NRXN3: variants seen among roughly 807,000 people sequenced by gnomAD.
NRXN3 encodes neurexin 3.
In NRXN3, 32 loss-of-function variants were observed where a neutral mutation model predicts 137.6. The ratio of observed to expected loss-of-function variants is 0.23; its 90% CI spans 0.18 to 0.31. The LOEUF (loss-of-function observed/expected upper bound fraction) is 0.31, where lower values mean the gene tolerates loss of function less well. Among genes scored for constraint, NRXN3 ranks in the 10% least tolerant of loss-of-function variants. The probability of loss-of-function intolerance (pLI) is 1.00; values close to 1 mark genes in which losing one functional copy is unlikely to be tolerated. For synonymous variants in NRXN3, 798 were observed against 784.5 expected, an observed-to-expected ratio of 1.02 and a Z score of -0.29; for missense variants, 1,574 against 2,062.5, an observed-to-expected ratio of 0.76 and a Z score of 4.59.
At chr14:79,113,161 AAT>A (rs2053833805) in intron 15 of NRXN3, among the ~76,000 whole-genome samples, 2 of 152,176 alleles carry the variant, frequency 1.3e-5, no homozygotes, top group Admixed American at 6.5e-5. Flanking sequence ...GCAAATAAAA[AAT>A]GTCTCCAGAC....
chr14:79,603,630 G>A (rs1224251925), intron 16 of NRXN3, among the ~76,000 whole-genome samples: 8 of 151,398 alleles, frequency 5.3e-5, no homozygotes, highest in Admixed American at 6.6e-5. Flanking sequence ...TCCTTTTGTG[G>A]GGGAGTTTAG....
At chr14:79,721,861 A>G (rs2098845736) in intron 19 of NRXN3, among the ~76,000 whole-genome samples, 1 of 152,108 alleles carries the variant, frequency 6.6e-6, no homozygotes, top group Non-Finnish European at 1.5e-5. Flanking sequence ...AGTCTCTAAT[A>G]GTTTACCCAG....
rs143066878 is a variant in NRXN3, at chr14:78,710,939, T to C, written c.1660+1284T>C. 3.5e-3 allele frequency among the ~76,000 whole-genome samples: 537 copies of C among 152,306 alleles called. 3 individuals are homozygous for C. The highest frequency in any genetic ancestry group is 0.012 in the African/African-American group (515 of 41,576). On this transcript the variant is annotated intron_variant, in intron 7 of 20. Transcript: ENST00000335750. ...AATGTGCTCGTTAAGCAAGAATGAA[T>C]AGTGTCTACCCTTTTACACAGAAAA...
At position 79,308,836 on chromosome 14, in the gene NRXN3, G is replaced by C. The variant is rs561710185; in HGVS notation, c.3263-158385G>C. Among the ~76,000 whole-genome samples, 25 of 132,282 alleles carry C rather than the reference G, an allele frequency of 1.9e-4. No individual in the cohort carries two copies. The South Asian group carries it at 6.4e-3, about 34-fold the overall frequency. The allele number at this position is 132,282 out of a possible 152,430, so 86.8% of individuals were successfully genotyped here. Reference sequence around the variant, plus strand: ...AGTGTTTGTTCCTCATCAGCACAGGGAAGCATTCTTTTTTTTTTTTTTTTT... The same window carrying C: ...AGTGTTTGTTCCTCATCAGCACAGGCAAGCATTCTTTTTTTTTTTTTTTTT... On this transcript the variant is annotated intron_variant, in intron 15 of 20. Transcript: ENST00000335750.
At chr14:79,581,127 C>A (rs1034038209) in intron 16 of NRXN3, among the ~76,000 whole-genome samples, 1 of 152,068 alleles carries the variant, frequency 6.6e-6, no homozygotes, top group Non-Finnish European at 1.5e-5. Flanking sequence ...GTGCAGAAAT[C>A]AGCTCAACTC....
At chr14:78,483,427 G>T (rs1231257734) in intron 4 of NRXN3, among the ~76,000 whole-genome samples, 3 of 152,182 alleles carry the variant, frequency 2.0e-5, no homozygotes, top group Non-Finnish European at 4.4e-5. Context: ...GGAAAGGAGA[G>T]GCTAGAGCTT....
At chr14:78,355,830 G>C (rs1231548273) in intron 4 of NRXN3, among the ~76,000 whole-genome samples, 1 of 152,206 alleles carries the variant, frequency 6.6e-6, no homozygotes, top group Non-Finnish European at 1.5e-5. Context: ...TGATTGGTTA[G>C]GAGAGTTGAG....
chr14:78,533,368 G>A (rs1225877565), intron 4 of NRXN3, among the ~76,000 whole-genome samples: 1 of 152,074 alleles, frequency 6.6e-6, no homozygotes, highest in African/African-American at 2.4e-5. Context: ...TCTTCTAGTT[G>A]TTTATCCTCC....
At chr14:79,667,673 A>G (rs2098571842) in intron 17 of NRXN3, among the ~76,000 whole-genome samples, 1 of 152,140 alleles carries the variant, frequency 6.6e-6, no homozygotes, top group Non-Finnish European at 1.5e-5. Context: ...AAAATAGAAA[A>G]GCTAAGAAAC....
intron 2 of NRXN3, among the ~76,000 whole-genome samples, chr14:78,263,041 G>A (rs2071038933): frequency 1.5e-5 from 1 of 68,334 alleles, no homozygotes; most frequent in African/African-American, 7.0e-5. Flanking sequence ...TACATTTTTG[G>A]TGAAGTCACT....
intron 4 of NRXN3, among the ~76,000 whole-genome samples, chr14:78,320,659 C>G (rs1465055246): frequency 6.6e-6 from 1 of 152,198 alleles, no homozygotes; most frequent in Non-Finnish European, 1.5e-5. Context: ...GGAGGAGTGC[C>G]TCACGCTGGT....
intron 4 of NRXN3, among the ~76,000 whole-genome samples, chr14:78,388,745 A>T (rs2090344366): frequency 1.3e-5 from 2 of 152,166 alleles, no homozygotes; most frequent in Non-Finnish European, 2.9e-5. Flanking sequence ...CAAAGGAAGT[A>T]AAAAAGGATT....
intron 15 of NRXN3, among the ~76,000 whole-genome samples, chr14:79,026,407 G>C (rs556443958): frequency 1.3e-5 from 2 of 152,072 alleles, no homozygotes; most frequent in Admixed American, 6.6e-5. Context: ...GATTAAAAGA[G>C]GCGATGCCTG....
At chr14:79,095,458 T>A (rs1284491072) in intron 15 of NRXN3, among the ~76,000 whole-genome samples, 1 of 152,162 alleles carries the variant, frequency 6.6e-6, no homozygotes, top group African/African-American at 2.4e-5. Flanking sequence ...ACTAGAGAGT[T>A]ATCAAGGAAC....
At chr14:79,201,124 A>T (rs2065937671) in intron 15 of NRXN3, 1 of 152,122 alleles carries the variant, frequency 6.6e-6, no homozygotes, top group African/African-American at 2.4e-5. Flanking sequence ...AGCAGTACTG[A>T]TGTCAAGTTT....
chr14:78,394,584 A>G (rs571898702), intron 4 of NRXN3, among the ~76,000 whole-genome samples: 161 of 151,978 alleles, frequency 1.1e-3, no homozygotes, highest in African/African-American at 3.4e-3. Flanking sequence ...ATAACTTCAT[A>G]AAATGAATTG....
chr14:79,808,077 T>C (rs1023819749), intron 20 of NRXN3, among the ~76,000 whole-genome samples: 1 of 151,374 alleles, frequency 6.6e-6, no homozygotes, highest in African/African-American at 2.4e-5. Flanking sequence ...TCTCTACTAA[T>C]AATACAAAAA....
At chr14:78,451,402 A>G (rs566608584) in intron 4 of NRXN3, among the ~76,000 whole-genome samples, 65 of 152,326 alleles carry the variant, frequency 4.3e-4, no homozygotes, top group African/African-American at 1.4e-3. Flanking sequence ...GAGAAATCAC[A>G]CTGCACAGTG....
intron 15 of NRXN3, among the ~76,000 whole-genome samples, chr14:79,047,107 A>G (rs1453361349): frequency 6.6e-6 from 1 of 151,372 alleles, no homozygotes; most frequent in Non-Finnish European, 1.5e-5. Context: ...AGTTGAATTT[A>G]GAGAGTAGCA....
Sources: allele counts gnomAD v4.1 joint callset (sites outside exome capture counted in the v4.1 genomes callset), GRCh38; gene constraint gnomAD v4.1.1; transcripts MANE v1.5; gene names NCBI Gene and HGNC (gene_info 2026-07-23, HGNC 2026-07-21).